The following IL1RAPL2 variants were observed in gnomAD, a reference collection of about 807,000 sequenced individuals.
The protein encoded by IL1RAPL2 is interleukin 1 receptor accessory protein like 2.
In IL1RAPL2, 3 loss-of-function variants were observed where a neutral mutation model predicts 44.1. That is an observed-to-expected ratio of 0.07 (90% CI 0.03 to 0.18). The LOEUF (loss-of-function observed/expected upper bound fraction) is 0.18. Among genes scored for constraint, IL1RAPL2 ranks in the 10% least tolerant of loss-of-function variants. IL1RAPL2 has a pLI of 1.00. For missense variants in IL1RAPL2, 391 were observed against 496.4 expected (o/e 0.79, Z 2.02); for synonymous variants, 181 against 178.8 (o/e 1.01, Z -0.10).
chrX:105,231,480 G>A (rs1205982033), intron 3 of IL1RAPL2, among the ~76,000 whole-genome samples: 1 of 111,084 alleles, frequency 9.0e-6, no homozygotes, highest in Non-Finnish European at 1.9e-5. Flanking sequence ...ATACCATATG[G>A]GACTGATACA....
intron 10 of IL1RAPL2, among the ~76,000 whole-genome samples, chrX:105,759,121 G>A (rs1376432937): frequency 1.8e-5 from 2 of 111,815 alleles, no homozygotes; most frequent in Non-Finnish European, 3.8e-5. Flanking sequence ...TCTTATCTCA[G>A]TGTTTCTGTA....
chrX:105,369,789 A>C (rs1363639318), intron 5 of IL1RAPL2, among the ~76,000 whole-genome samples: 1 of 111,352 alleles, frequency 9.0e-6, no homozygotes, highest in Non-Finnish European at 1.9e-5. Context: ...TATCTGTGCC[A>C]AATCTACTTC....
At chrX:105,304,113 A>G (rs1266176064) in intron 5 of IL1RAPL2, among the ~76,000 whole-genome samples, 1 of 112,827 alleles carries the variant, frequency 8.9e-6, no homozygotes, top group Admixed American at 9.3e-5. Flanking sequence ...CCACATAACC[A>G]TGAGGGGTGT....
chrX:105,146,350 G>A (rs2033179178), intron 2 of IL1RAPL2, among the ~76,000 whole-genome samples: 1 of 110,919 alleles, frequency 9.0e-6, no homozygotes, highest in Non-Finnish European at 1.9e-5. Context: ...GCCAAAGAAA[G>A]TCTTAGAAAA....
chrX:105,220,342 G>T lies in IL1RAPL2; in HGVS notation c.357-13476G>T, dbSNP rs782704665. Reference sequence around the variant, plus strand: ...CCTGGCCATTTTCTCGTTGATGAAGGCCACCACGTTGCTATGCCGGAACCC... The same window carrying T: ...CCTGGCCATTTTCTCGTTGATGAAGTCCACCACGTTGCTATGCCGGAACCC... On this transcript the variant is annotated intron_variant, in intron 3 of 10. Coordinates refer to ENST00000372582, the MANE Select transcript of IL1RAPL2 (RefSeq NM_017416.2). The T allele has an allele frequency of 3.1e-5, 37 of 1,204,161 alleles. No homozygotes were observed. In the South Asian group the frequency reaches 6.6e-4, roughly 22 times the overall value.
At chrX:104,705,868 A>G (rs1386579012) in intron 2 of IL1RAPL2, among the ~76,000 whole-genome samples, 1 of 111,450 alleles carries the variant, frequency 9.0e-6, no homozygotes, top group African/African-American at 3.3e-5. Context: ...ATAGTTCTTT[A>G]AAGGCGGGGA....
At chrX:104,714,399 G>A (rs1370095012) in intron 2 of IL1RAPL2, among the ~76,000 whole-genome samples, 3 of 110,982 alleles carry the variant, frequency 2.7e-5, no homozygotes, top group African/African-American at 9.8e-5. Flanking sequence ...CATGGGGGCA[G>A]TTTCCCCTAT....
Position 105,320,436 on chromosome X carries a change from G to T in IL1RAPL2, c.697+52895G>T, listed in dbSNP as rs546276623. On this transcript the variant is annotated intron_variant, in intron 5 of 10. Coordinates refer to ENST00000372582, the MANE Select transcript of IL1RAPL2 (RefSeq NM_017416.2). ...GGCAACTGCACACATTCAGTAAGGT[G>T]GGGGGAGGAGGAAGACTATTGGTAA... Among the ~76,000 whole-genome samples the T allele has an allele frequency of 7.2e-5, 8 of 111,887 alleles. No individual in the cohort carries two copies. In the South Asian group the frequency reaches 2.6e-3, roughly 37 times the overall value.
intron 2 of IL1RAPL2, among the ~76,000 whole-genome samples, chrX:104,851,388 G>T (rs1453444479): frequency 3.6e-5 from 4 of 111,822 alleles, no homozygotes; most frequent in Non-Finnish European, 1.9e-5. Context: ...TCTCAAACCA[G>T]AAGGATCCTT....
chrX:105,060,585 CTTTT>C (rs1161187469), intron 2 of IL1RAPL2, among the ~76,000 whole-genome samples: 2 of 70,170 alleles, frequency 2.9e-5, no homozygotes, highest in African/African-American at 1.2e-4. Context: ...TTTTCTTTTT[CTTTT>C]TTTTTTTTTT....
At chrX:104,753,890 T>G (rs1217753546) in intron 2 of IL1RAPL2, among the ~76,000 whole-genome samples, 3 of 112,065 alleles carry the variant, frequency 2.7e-5, no homozygotes, top group Non-Finnish European at 5.7e-5. Context: ...AGCCAATTCT[T>G]TTTCAATTCT....
intron 6 of IL1RAPL2, among the ~76,000 whole-genome samples, chrX:105,485,711 C>A (rs2036261552): frequency 1.8e-5 from 2 of 111,676 alleles, no homozygotes; most frequent in African/African-American, 6.5e-5. Flanking sequence ...GTGTGAAATT[C>A]GTCTTTCTGT....
chrX:104,708,458 T>C (rs1272774399), intron 2 of IL1RAPL2, among the ~76,000 whole-genome samples: 1 of 111,072 alleles, frequency 9.0e-6, no homozygotes. Context: ...CTCTCTGTAA[T>C]GGGGAGACCT....
At chrX:105,148,075 C>T (rs1416426568) in intron 2 of IL1RAPL2, among the ~76,000 whole-genome samples, 1 of 111,190 alleles carries the variant, frequency 9.0e-6, no homozygotes, top group Non-Finnish European at 1.9e-5. Context: ...ACAAGCCCCA[C>T]GTCAGGAGGT....
At chrX:104,715,410 A>AT (rs1931540311) in intron 2 of IL1RAPL2, among the ~76,000 whole-genome samples, 2 of 29,656 alleles carry the variant, frequency 6.7e-5, no homozygotes, top group Non-Finnish European at 1.4e-4. Flanking sequence ...TTTATTTTCT[A>AT]TTTTTTCAAA....
intron 2 of IL1RAPL2, among the ~76,000 whole-genome samples, chrX:105,188,640 G>T (rs1556135383): frequency 2.7e-5 from 3 of 112,003 alleles, no homozygotes; most frequent in South Asian, 3.7e-4. Context: ...CATTTAGGCA[G>T]ATCTTTCCCA....
chrX:105,382,376 T>G (rs1177312964), intron 5 of IL1RAPL2, among the ~76,000 whole-genome samples: 9 of 109,126 alleles, frequency 8.2e-5, no homozygotes, highest in African/African-American at 3.2e-4. Context: ...AAAATGCTCA[T>G]CATCACTGGC....
chrX:105,035,995 A>G (rs1168131291), intron 2 of IL1RAPL2, among the ~76,000 whole-genome samples: 5 of 111,726 alleles, frequency 4.5e-5, no homozygotes, highest in African/African-American at 1.6e-4. Context: ...TTAATCCAGT[A>G]TCTCCCATAG....
At chrX:104,950,508 G>C (rs1402874996) in intron 2 of IL1RAPL2, among the ~76,000 whole-genome samples, 1 of 112,355 alleles carries the variant, frequency 8.9e-6, no homozygotes, top group Non-Finnish European at 1.9e-5. Context: ...CCCATTTCGA[G>C]CTTCGGGGCT....
Sources: gnomAD v4.1 joint callset for allele counts (sites outside exome capture counted in the v4.1 genomes callset) on GRCh38, gnomAD v4.1.1 for gene constraint, MANE v1.5 for transcripts, NCBI Gene and HGNC (gene_info 2026-07-23, HGNC 2026-07-21) for gene names.